KATNIP: variants seen among roughly 807,000 people sequenced by gnomAD.
KATNIP encodes the protein katanin-interacting protein.
Under a neutral mutation model 174.0 loss-of-function variants are expected in KATNIP, and 126 were observed. The observed-to-expected ratio is 0.72, with a 90% CI of 0.63 to 0.84. The LOEUF (loss-of-function observed/expected upper bound fraction) is 0.84. KATNIP is among the 40% of genes least tolerant of loss of function. The pLI is 0.00. For missense variants in KATNIP, 1,958 were observed against 2,109.7 expected (o/e 0.93, Z 1.41); for synonymous variants, 810 against 835.7 (o/e 0.97, Z 0.53).
intron 5 of KATNIP, chr16:27,643,281 CT>C (rs1192622690): frequency 6.6e-6 from 1 of 152,290 alleles, no homozygotes; most frequent in African/African-American, 2.4e-5. Flanking sequence ...CAGTTTCCCC[CT>C]TGGGTTGCTT....
intron 1 of KATNIP, among the ~76,000 whole-genome samples, chr16:27,568,325 T>A (rs1474534933): frequency 6.6e-6 from 1 of 152,264 alleles, no homozygotes; most frequent in Non-Finnish European, 1.5e-5. Flanking sequence ...GCAAATACCT[T>A]GAGCATATGT....
intron 1 of KATNIP, among the ~76,000 whole-genome samples, chr16:27,558,241 G>A (rs1471908097): frequency 6.6e-6 from 1 of 152,140 alleles, no homozygotes; most frequent in South Asian, 2.1e-4. Context: ...TGCCTCCTGG[G>A]TTCCAGTGAT....
At chr16:27,640,902 G>A (rs550628696) in intron 5 of KATNIP, among the ~76,000 whole-genome samples, 14 of 152,198 alleles carry the variant, frequency 9.2e-5, no homozygotes, top group African/African-American at 3.4e-4. Context: ...TTGGGGGGCC[G>A]AGATGGGTGG....
At chr16:27,609,893 T>C (rs1261852652) in intron 2 of KATNIP, among the ~76,000 whole-genome samples, 2 of 152,122 alleles carry the variant, frequency 1.3e-5, no homozygotes, top group Non-Finnish European at 2.9e-5. Flanking sequence ...GGTTTCACCA[T>C]GTTGGCCAGT....
At chr16:27,736,891 A>G (rs2080918262) in intron 14 of KATNIP, among the ~76,000 whole-genome samples, 1 of 152,212 alleles carries the variant, frequency 6.6e-6, no homozygotes, top group Admixed American at 6.5e-5. Flanking sequence ...CCCAGGCAGC[A>G]GCACACGCGG....
intron 7 of KATNIP, among the ~76,000 whole-genome samples, chr16:27,680,024 AC>A (rs1462675693): frequency 6.6e-6 from 1 of 151,718 alleles, no homozygotes; most frequent in Non-Finnish European, 1.5e-5. Flanking sequence ...TCACACTCCC[AC>A]CACATCCACT....
At position 27,604,616 on chromosome 16, in the gene KATNIP, T is replaced by C. The variant is rs563722480; in HGVS notation, c.64-13809T>C. The stretch of plus-strand genomic sequence containing the variant: ...AGTAGAGACTTTGCTGGGCTCACTG[T>C]TGTATCTCCAGAGACTAGTTCAGGG... On this transcript the variant is annotated intron_variant, in intron 2 of 27. Transcript: ENST00000261588. 4.6e-5 allele frequency among the ~76,000 whole-genome samples: 7 copies of C among 152,322 alleles called. No individual in the cohort carries two copies. The East Asian group carries it at 1.4e-3, about 29-fold the overall frequency.
At chr16:27,572,394 C>T (rs2090339633) in intron 1 of KATNIP, among the ~76,000 whole-genome samples, 1 of 151,720 alleles carries the variant, frequency 6.6e-6, no homozygotes, top group Non-Finnish European at 1.5e-5. Flanking sequence ...CACACACACA[C>T]ACACAATGAA....
intron 8 of KATNIP, among the ~76,000 whole-genome samples, chr16:27,692,388 A>G (rs766845054): frequency 2.0e-5 from 3 of 152,208 alleles, no homozygotes; most frequent in Non-Finnish European, 4.4e-5. Flanking sequence ...GTCATTTTTC[A>G]TCCATCCATT....
At chr16:27,747,541 T>C (rs909188630) in intron 15 of KATNIP, among the ~76,000 whole-genome samples, 1 of 152,110 alleles carries the variant, frequency 6.6e-6, no homozygotes, top group Non-Finnish European at 1.5e-5. Flanking sequence ...CACATGTACA[T>C]CCTTCCAGCT....
chr16:27,557,863 TAAATACCTGATTGTGGTATTTTC>T (rs1012590135), intron 1 of KATNIP, among the ~76,000 whole-genome samples: 1 of 152,232 alleles, frequency 6.6e-6, no homozygotes, highest in Non-Finnish European at 1.5e-5. Flanking sequence ...AGATTTCTTA[TAAATACCTGATTGTGGTATTTTC>T]TTGAAAATAT....
At position 27,725,458 on chromosome 16, in the gene KATNIP, G is replaced by A. The variant is rs191039789; in HGVS notation, c.1743+3763G>A. ...TGATGATTGATCAGCCACGTCTGCC[G>A]TGGGCTCAGGAGGATGTGATAACAT... On this transcript the variant is annotated intron_variant, in intron 14 of 27. Transcript: ENST00000261588. 1.6e-4 allele frequency among the ~76,000 whole-genome samples: 24 copies of A among 152,276 alleles called. No homozygotes were observed. In the East Asian group the frequency reaches 4.6e-3, roughly 29 times the overall value.
intron 1 of KATNIP, among the ~76,000 whole-genome samples, chr16:27,556,200 A>G (rs1426387020): frequency 6.6e-6 from 1 of 152,170 alleles, no homozygotes. Context: ...TATTCCACAC[A>G]GTTGACAGAA....
chr16:27,554,740 C>T (rs1007782565), intron 1 of KATNIP, among the ~76,000 whole-genome samples: 1 of 151,686 alleles, frequency 6.6e-6, no homozygotes, highest in Non-Finnish European at 1.5e-5. Context: ...CATATTTGAC[C>T]TCCAAAGAAT....
At chr16:27,729,439 A>G (rs932825490) in intron 14 of KATNIP, among the ~76,000 whole-genome samples, 1 of 152,208 alleles carries the variant, frequency 6.6e-6, no homozygotes, top group African/African-American at 2.4e-5. Context: ...AGAAGGTTGG[A>G]TTTTCAATGG....
chr16:27,720,496 C>CTTTTTTT (rs56263804), intron 13 of KATNIP, among the ~76,000 whole-genome samples: 3 of 124,534 alleles, frequency 2.4e-5, no homozygotes, highest in African/African-American at 6.4e-5. Context: ...GGGTTTTGTT[C>CTTTTTTT]TTTTTTTTTT....
At chr16:27,657,721 C>T (rs372615351) in intron 6 of KATNIP, among the ~76,000 whole-genome samples, 3 of 152,102 alleles carry the variant, frequency 2.0e-5, no homozygotes, top group African/African-American at 7.2e-5. Flanking sequence ...ACCAGTCTGG[C>T]CAACACGGTG....
Position 27,669,361 on chromosome 16 carries a change from G to C in KATNIP, c.541-8368G>C. Reference sequence around the variant, plus strand: ...CATTTGTGTGCAGTCCCTGTCATCCGATCTCCACCTGCGGTGTTGGCAGCC... The same window carrying C: ...CATTTGTGTGCAGTCCCTGTCATCCCATCTCCACCTGCGGTGTTGGCAGCC... On this transcript the variant is annotated intron_variant, in intron 6 of 27. Transcript: ENST00000261588. 5.2e-6 allele frequency: 5 copies of C among 958,836 alleles called. No homozygotes were observed. In the South Asian group the frequency reaches 2.4e-4, roughly 46 times the overall value. The allele number at this position is 958,836 out of a possible 1,614,324, so 59.4% of individuals were successfully genotyped here. A position where few individuals can be genotyped will look rare whatever the true frequency, so the allele number is the denominator to read the frequency against.
intron 1 of KATNIP, among the ~76,000 whole-genome samples, chr16:27,561,186 AT>A (rs77583757): frequency 0.085 from 10,548 of 123,966 alleles, 399 homozygotes; most frequent in Non-Finnish European, 0.11. Context: ...TAATTTTTGT[AT>A]TTTTTTTTTT....
Sources: gnomAD v4.1 joint callset for allele counts (sites outside exome capture counted in the v4.1 genomes callset) on GRCh38, gnomAD v4.1.1 for gene constraint, MANE v1.5 for transcripts, NCBI Gene and HGNC (gene_info 2026-07-23, HGNC 2026-07-21) for gene names.